FBN3: variants seen among roughly 807,000 people sequenced by gnomAD.
FBN3 encodes fibrillin-3.
In FBN3, 234 loss-of-function variants were observed where a neutral mutation model predicts 330.1. That is an observed-to-expected ratio of 0.71 (90% CI 0.64 to 0.79). The LOEUF is 0.79. Among genes scored for constraint, FBN3 ranks in the 30% least tolerant of loss-of-function variants. FBN3 has a pLI of 0.00. For synonymous variants in FBN3, 1,458 were observed against 1,517.3 expected (o/e 0.96, Z 0.91); for missense variants, 3,606 against 3,886.9 (o/e 0.93, Z 1.92).
At chr19:8,124,229 C>A (rs141468849) in intron 22 of FBN3, among the ~76,000 whole-genome samples, 4 of 151,682 alleles carry the variant, frequency 2.6e-5, no homozygotes, top group Middle Eastern at 6.8e-3. Flanking sequence ...ATTTTTTTTA[C>A]GTGATTGATT....
rs149806821 is a variant in FBN3 at position 8,136,400 on chromosome 19, C to T, written c.1333G>A (p.Gly445Ser). ...GGCCGCGGCTCACCAATGCACTCGC[C>T]GCGCACGTCCTGGGTGTAGCCCACG... The part of the protein sequence containing the change: ...CNVGYTQDVR[G>S]ECIDVDECTS... Residue 445 changes from glycine to serine, a missense_variant, in exon 11 of 64, where the codon GGC (glycine) becomes AGC (serine). Gly to Ser is a moderately conservative substitution (Grantham distance 56). Transcript: ENST00000600128. 7.5e-4 allele frequency: 1,211 copies of T among 1,613,916 alleles called. 5 individuals carry two copies. The highest frequency in any genetic ancestry group is 4.2e-4 in the Non-Finnish European group (499 of 1,179,904).
At chr19:8,111,503 C>A in intron 32 of FBN3, 145 bp downstream of exon 32, 1 of 945,890 alleles carries the variant, frequency 1.1e-6, no homozygotes, top group Non-Finnish European at 1.6e-6. Flanking sequence ...ACCGCCTGGG[C>A]CGAGGACACA....
In FBN3 at chr19:8,072,210, T is replaced by C. The variant is rs1037339816; in HGVS notation, c.7938-12A>G. Reference sequence around the variant, plus strand: ...CGGAGACACAGTGCCTGGGCCAGGATGGGCAGGGTGGAGGGGTTTCAGAGG... The same window carrying C: ...CGGAGACACAGTGCCTGGGCCAGGACGGGCAGGGTGGAGGGGTTTCAGAGG... On this transcript the variant is annotated splice_polypyrimidine_tract_variant and intron_variant, in intron 62 of 63. Coordinates refer to ENST00000600128, the MANE Select transcript of FBN3 (RefSeq NM_032447.5). 7 of 1,516,428 alleles carry C rather than the reference T, an allele frequency of 4.6e-6. No individual in the cohort carries two copies. Among genetic ancestry groups the C allele is most frequent in the Non-Finnish European group, 6.2e-6 (7 of 1,135,022 alleles). The allele number at this position is 1,516,428 out of a possible 1,614,324, so 93.9% of individuals were successfully genotyped here. A position where few individuals can be genotyped will look rare whatever the true frequency, so the allele number is the denominator to read the frequency against.
At chr19:8,117,699 T>TGC in intron 26 of FBN3, 110 bp from the exon 27 acceptor site, 1 of 1,273,426 alleles carries the variant, frequency 7.9e-7, no homozygotes, top group Non-Finnish European at 1.1e-6. Context: ...ACTGCCAGCA[T>TGC]TGGCACAGCC....
chr19:8,103,784 G>C, intron 38 of FBN3, 97 bp from the exon 39 acceptor site: 1 of 1,229,624 alleles, frequency 8.1e-7, no homozygotes, highest in Non-Finnish European at 1.1e-6. Flanking sequence ...ACTTCACCAG[G>C]GACCTAAGTT....
At chr19:8,066,850 G>A (rs764174779) in intron 63 of FBN3, among the ~76,000 whole-genome samples, 22 of 152,132 alleles carry the variant, frequency 1.4e-4, no homozygotes, top group Admixed American at 3.9e-4. Context: ...CTGCACTCCA[G>A]CCTGGGCAAC....
intron 47 of FBN3, among the ~76,000 whole-genome samples, chr19:8,093,010 A>C (rs112857587): frequency 0.078 from 11,860 of 152,166 alleles, 609 homozygotes; most frequent in Middle Eastern, 0.12. Flanking sequence ...CCACTGAAGA[A>C]CTTATCCATG....
intron 63 of FBN3, among the ~76,000 whole-genome samples, chr19:8,071,779 G>A (rs1323543284): frequency 6.6e-6 from 1 of 152,098 alleles, no homozygotes; most frequent in African/African-American, 2.4e-5. Flanking sequence ...GCCCGGCCAG[G>A]GTCTGTATGG....
intron 26 of FBN3, among the ~76,000 whole-genome samples, chr19:8,118,660 C>G (rs1227265450): frequency 2.0e-5 from 3 of 152,152 alleles, no homozygotes; most frequent in African/African-American, 7.2e-5. Context: ...TGTACAGACA[C>G]TCACACATGT....
Position 8,069,346 on chromosome 19 carries a change from C to T in FBN3, c.8088+2702G>A, listed in dbSNP as rs116974786. 1.7e-3 allele frequency among the ~76,000 whole-genome samples: 262 copies of T among 152,294 alleles called. 3 individuals carry two copies. Among genetic ancestry groups the T allele is most frequent in the East Asian group, 0.011 (55 of 5,184 alleles). Reference sequence around the variant, plus strand: ...GGCAGGCTACCCCAGGGCTGGGTGACGTATCCAACCCCACAGAAAGTCATC... The same window carrying T: ...GGCAGGCTACCCCAGGGCTGGGTGATGTATCCAACCCCACAGAAAGTCATC... On this transcript the variant is annotated intron_variant, in intron 63 of 63. Coordinates refer to ENST00000600128, the MANE Select transcript of FBN3 (RefSeq NM_032447.5).
In FBN3 at chr19:8,109,184, G is replaced by A. The variant is rs768639144; in HGVS notation, c.4618+43C>T. ...GTGACCCCCTAAGCTCCCGGGCCTC[G>A]GTGGCTTAGGTCACGGTGTTCAACT... On this transcript the variant is annotated intron_variant, in intron 36 of 63. Coordinates refer to ENST00000600128, the MANE Select transcript of FBN3 (RefSeq NM_032447.5). This position sits in a 1 kb window ranked among gnomAD's most constrained non-coding sequence, Gnocchi z 5.2. 4.4e-6 allele frequency: 7 copies of A among 1,588,414 alleles called. No homozygotes were observed. The highest frequency in any genetic ancestry group is 1.7e-6 in the Non-Finnish European group (2 of 1,162,038).
intron 48 of FBN3, 137 bp downstream of exon 48, chr19:8,091,328 G>T: frequency 8.5e-7 from 1 of 1,179,062 alleles, no homozygotes; most frequent in Non-Finnish European, 1.2e-6. Context: ...GGATAACTCT[G>T]CTAATGCAAA....
rs754607708 is a variant in FBN3 at position 8,083,257 on chromosome 19, A to G, written c.7203T>C (p.Thr2401=). 2.5e-5 allele frequency: 40 copies of G among 1,613,990 alleles called. No individual in the cohort carries two copies. The highest frequency in any genetic ancestry group is 3.2e-5 in the Non-Finnish European group (38 of 1,180,036). Residue 2401 remains threonine (T), a synonymous_variant, in exon 57 of 64, where the codon ACT becomes ACC. Coordinates refer to ENST00000600128, the MANE Select transcript of FBN3 (RefSeq NM_032447.5). ...QAGYTPDATA[T]TCLDMDECSQ... ...GAGGGCTGGGCTCACCCAGGCAGGTAGTAGCAGTAGCATCCGGTGTGTACC... is the reference window on the plus strand; with the variant it reads ...GAGGGCTGGGCTCACCCAGGCAGGTGGTAGCAGTAGCATCCGGTGTGTACC...
chr19:8,102,308 G>A lies in FBN3; in HGVS notation c.5089+416C>T, dbSNP rs117000967. The stretch of plus-strand genomic sequence containing the variant: ...CGGCTCACTGGAAACCCCACTTCCC[G>A]GGTTCAAGCGATTCTCTTGCCTCAG... On this transcript the variant is annotated intron_variant, in intron 40 of 63. Coordinates refer to ENST00000600128, the MANE Select transcript of FBN3 (RefSeq NM_032447.5). Among the ~76,000 whole-genome samples the A allele has an allele frequency of 6.9e-3, 1,050 of 151,726 alleles. 1 individual carries two copies. The highest frequency in any genetic ancestry group is 0.01 in the Non-Finnish European group (708 of 67,940).
chr19:8,106,164 A>G lies in FBN3; in HGVS notation c.4757T>C (p.Phe1586Ser), dbSNP rs372164197. The G allele has an allele frequency of 3.7e-6, 6 of 1,614,036 alleles. No homozygotes were observed. The highest frequency in any genetic ancestry group is 5.1e-6 in the Non-Finnish European group (6 of 1,180,022). The change falls in exon 38 of 64, where the codon TTC (phenylalanine) becomes TCC (serine). Residue 1586 changes from phenylalanine (F) to serine (S), a missense_variant. Physicochemically the swap from Phe to Ser is radical, Grantham distance 155. Transcript: ENST00000600128. ...GGDCVNTFGS[F>S]QCECPPGYHL... The stretch of plus-strand genomic sequence containing the variant: ...GTAGCCAGGTGGGCACTCACACTGG[A>G]AACTGCCAAACGTGTTGACGCAGTC...
chr19:8,098,275 A>G (rs1377995811), intron 41 of FBN3, among the ~76,000 whole-genome samples: 3 of 151,584 alleles, frequency 2.0e-5, no homozygotes, highest in South Asian at 4.2e-4. Context: ...TGAAAACAAT[A>G]TAAGTGTCCA....
At chr19:8,082,441 TTC>T (rs1488248649) in intron 57 of FBN3, among the ~76,000 whole-genome samples, 2 of 143,786 alleles carry the variant, frequency 1.4e-5, no homozygotes, top group Middle Eastern at 3.5e-3. Flanking sequence ...TCTCTCTCTC[TTC>T]CTTCCTTCCC....
intron 6 of FBN3, among the ~76,000 whole-genome samples, chr19:8,143,375 C>G (rs1007503733): frequency 3.9e-5 from 6 of 152,128 alleles, no homozygotes; most frequent in African/African-American, 1.4e-4. Flanking sequence ...TACCTTCCCT[C>G]CAGTTTTCAC....
At chr19:8,072,224 G>A (rs1398855175) in intron 62 of FBN3, 26 bp from the exon 63 acceptor site, 19 of 1,493,582 alleles carry the variant, frequency 1.3e-5, no homozygotes, top group Non-Finnish European at 1.7e-5. Context: ...CAGGGTGGAG[G>A]GGTTTCAGAG....
Sources: gnomAD v4.1 joint callset for allele counts (sites outside exome capture counted in the v4.1 genomes callset) on GRCh38, gnomAD v4.1.1 for gene constraint, Gnocchi (gnomAD v3.1) non-coding constraint, MANE v1.5 for transcripts, NCBI Gene and HGNC (gene_info 2026-07-23, HGNC 2026-07-21) for gene names.